The following OTULINL variants were observed in gnomAD, a reference collection of about 807,000 sequenced individuals.
OTULINL encodes OTU deubiquitinase with linear linkage specificity like.
OTULINL carries 42 observed loss-of-function variants against 43.9 expected under a neutral mutation model. That is an observed-to-expected ratio of 0.96 (90% confidence interval 0.75 to 1.24). OTULINL has a LOEUF of 1.24. OTULINL is among the 50% of genes most tolerant of loss of function. The pLI is 0.00. For synonymous variants in OTULINL, 172 were observed against 153.6 expected (o/e 1.12, Z -0.88); for missense variants, 411 against 426.4 (o/e 0.96, Z 0.32).
At chr5:14,604,836 C>T (rs1030600205) in intron 5 of OTULINL, among the ~76,000 whole-genome samples, 1 of 152,250 alleles carries the variant, frequency 6.6e-6, no homozygotes, top group Non-Finnish European at 1.5e-5. Flanking sequence ...GGCAGCTCCG[C>T]CCCTGTGGCT....
intron 1 of OTULINL, among the ~76,000 whole-genome samples, chr5:14,583,738 C>G (rs1441797663): frequency 6.6e-6 from 1 of 152,136 alleles, no homozygotes; most frequent in Non-Finnish European, 1.5e-5. Context: ...GCATAGTTTC[C>G]CTTCTTTGCC....
intron 1 of OTULINL, among the ~76,000 whole-genome samples, chr5:14,591,612 G>A (rs142393546): frequency 8.5e-4 from 129 of 152,312 alleles, no homozygotes; most frequent in African/African-American, 2.9e-3. Flanking sequence ...CCTCTCCACC[G>A]GGAAACTTGA....
At chr5:14,605,833 A>G (rs962019828) in intron 5 of OTULINL, among the ~76,000 whole-genome samples, 2 of 152,164 alleles carry the variant, frequency 1.3e-5, no homozygotes, top group Non-Finnish European at 2.9e-5. Flanking sequence ...CTCAGCCTGG[A>G]TTTCATTATC....
chr5:14,587,944 A>G (rs1234132587), intron 1 of OTULINL, among the ~76,000 whole-genome samples: 2 of 152,004 alleles, frequency 1.3e-5, no homozygotes, highest in Non-Finnish European at 2.9e-5. Flanking sequence ...CTCCCCATTT[A>G]GCAGCCTTTT....
intron 1 of OTULINL, among the ~76,000 whole-genome samples, chr5:14,594,677 C>G (rs1430675949): frequency 1.3e-5 from 2 of 152,234 alleles, no homozygotes; most frequent in Non-Finnish European, 2.9e-5. Flanking sequence ...CCGTCCCTGT[C>G]TGCCTGTTCC....
rs1421318047 is a variant in OTULINL, at chr5:14,609,151, C to T, written c.897+134C>T. 1.8e-5 allele frequency: 16 copies of T among 884,934 alleles called. No homozygotes were observed. The Admixed American group carries it at 3.1e-4, about 17-fold the overall frequency. 54.8% of individuals were successfully genotyped at this position (884,934 alleles called of 1,614,324 possible). A position where few individuals can be genotyped will look rare whatever the true frequency, so the allele number is the denominator to read the frequency against. On this transcript the variant is annotated intron_variant, in intron 7 of 7. Transcript: ENST00000274217. Reference sequence around the variant, plus strand: ...GAGGTGGTTGATTGATATTATCGCCCCTCAAATGAGGAAAAGAAGACTAAT... The same window carrying T: ...GAGGTGGTTGATTGATATTATCGCCTCTCAAATGAGGAAAAGAAGACTAAT...
In OTULINL at chr5:14,612,944, C is replaced by T. The variant is rs78506765; in HGVS notation, c.*2630C>T. Among the ~76,000 whole-genome samples, 151 of 151,372 alleles carry T rather than the reference C, an allele frequency of 1.0e-3. 1 individual carries two copies. The highest frequency in any genetic ancestry group is 3.5e-3 in the East Asian group (18 of 5,152). On this transcript the variant is annotated 3_prime_UTR_variant, in exon 8 of 8. Transcript: ENST00000274217. ...ATTTTAACAATTTTTTTTTTTGAGA[C>T]GGAGTTTCACTCTTTTTGCTCAGGC...
intron 1 of OTULINL, 34 bp from the exon 2 acceptor site, chr5:14,600,931 G>GCT (rs747327748): frequency 9.1e-7 from 1 of 1,103,984 alleles, no homozygotes; most frequent in East Asian, 2.8e-5. Flanking sequence ...ATTGTGATGT[G>GCT]CTTTTTTTTT....
At chr5:14,601,479 T>G in intron 4 of OTULINL, 37 bp downstream of exon 4, 1 of 1,548,526 alleles carries the variant, frequency 6.5e-7, no homozygotes, top group Non-Finnish European at 8.9e-7. Flanking sequence ...AGAAATAGAG[T>G]TTGTCTGTCA....
Position 14,614,899 on chromosome 5 carries a change from G to T in OTULINL, c.*4585G>T, listed in dbSNP as rs1759645677. ...GTACCATCAGGTCTTAGATTGTTAAGTCATTTTGCTGCCACCAGACCAGTG... is the reference window on the plus strand; with the variant it reads ...GTACCATCAGGTCTTAGATTGTTAATTCATTTTGCTGCCACCAGACCAGTG... On this transcript the variant is annotated 3_prime_UTR_variant, in exon 8 of 8. Coordinates refer to ENST00000274217, the MANE Select transcript of OTULINL (RefSeq NM_019018.3). 2 of 397,014 alleles carry T rather than the reference G, an allele frequency of 5.0e-6. No individual in the cohort carries two copies. The highest frequency in any genetic ancestry group is 8.9e-6 in the Non-Finnish European group (2 of 225,678). The allele number at this position is 397,014 out of a possible 1,614,324, so 24.6% of individuals were successfully genotyped here.
chr5:14,594,789 C>T (rs1447695772), intron 1 of OTULINL, among the ~76,000 whole-genome samples: 2 of 152,070 alleles, frequency 1.3e-5, no homozygotes, highest in Non-Finnish European at 2.9e-5. Flanking sequence ...TTCCATGGCA[C>T]AGCTCAGAAA....
intron 7 of OTULINL, among the ~76,000 whole-genome samples, chr5:14,609,502 G>T (rs1469346785): frequency 6.6e-6 from 1 of 152,098 alleles, no homozygotes; most frequent in Non-Finnish European, 1.5e-5. Flanking sequence ...TAAACAAATG[G>T]ATATAAAATG....
At position 14,607,551 on chromosome 5, in the gene OTULINL, T is replaced by C. The variant is rs1358500953; in HGVS notation, c.627+93T>C. The C allele has an allele frequency of 2.7e-6, 4 of 1,493,004 alleles. No individual in the cohort carries two copies. The East Asian group carries it at 6.9e-5, about 26-fold the overall frequency. 92.5% of individuals were successfully genotyped at this position (1,493,004 alleles called of 1,614,324 possible). A position where few individuals can be genotyped will look rare whatever the true frequency, so the allele number is the denominator to read the frequency against. ...CTCTGATGTCAGGGACATTGCTTCA[T>C]GTTAGGAAAGTAAGAAGTGCAAGCA... is the stretch of plus-strand genomic sequence containing the variant. On this transcript the variant is annotated intron_variant, in intron 6 of 7. Transcript: ENST00000274217.
chr5:14,595,640 CTTTTTTTTTTTTTTTT>C (rs61482298), intron 1 of OTULINL, among the ~76,000 whole-genome samples: 2 of 57,110 alleles, frequency 3.5e-5, no homozygotes, highest in South Asian at 9.1e-4. Context: ...AAAAACGGTG[CTTTTTTTTTTTTTTTT>C]TTTTTTTTTT....
intron 1 of OTULINL, among the ~76,000 whole-genome samples, chr5:14,584,654 A>G (rs1046153262): frequency 6.6e-6 from 1 of 152,204 alleles, no homozygotes. Context: ...CACTACTATT[A>G]TTAATATTAC....
rs1759646953 is a variant in OTULINL at position 14,614,995 on chromosome 5, C to T, written c.*4681C>T. 2.7e-6 allele frequency: 1 copy of T among 374,470 alleles called. No individual in the cohort carries two copies. Among genetic ancestry groups the T allele is most frequent in the East Asian group, 3.9e-5 (1 of 25,888 alleles). The allele number at this position is 374,470 out of a possible 1,614,324, so 23.2% of individuals were successfully genotyped here. A position where few individuals can be genotyped will look rare whatever the true frequency, so the allele number is the denominator to read the frequency against. Reference sequence around the variant, plus strand: ...GAGAATATCCTTGAATAAAGAAGTACATGTTTTAAGTATTTTCATCGTAGT... The same window carrying T: ...GAGAATATCCTTGAATAAAGAAGTATATGTTTTAAGTATTTTCATCGTAGT... On this transcript the variant is annotated 3_prime_UTR_variant, in exon 8 of 8. Coordinates refer to ENST00000274217, the MANE Select transcript of OTULINL (RefSeq NM_019018.3).
intron 1 of OTULINL, among the ~76,000 whole-genome samples, chr5:14,587,882 G>A (rs1360099391): frequency 6.6e-6 from 1 of 151,988 alleles, no homozygotes; most frequent in Non-Finnish European, 1.5e-5. Context: ...TTTGAATTTT[G>A]GAGCCTATTA....
intron 1 of OTULINL, among the ~76,000 whole-genome samples, chr5:14,592,451 C>A (rs1759220777): frequency 6.6e-6 from 1 of 152,204 alleles, no homozygotes; most frequent in Non-Finnish European, 1.5e-5. Context: ...CAGACTTCTA[C>A]TTCTTTTCTG....
At chr5:14,604,114 T>C (rs75994854) in intron 5 of OTULINL, among the ~76,000 whole-genome samples, 1,634 of 152,260 alleles carry the variant, frequency 0.011, 26 homozygotes, top group African/African-American at 0.037. Flanking sequence ...GGAGTATCTC[T>C]GGAGGCCAGT....
Sources: allele counts gnomAD v4.1 joint callset (sites outside exome capture counted in the v4.1 genomes callset), GRCh38; gene constraint gnomAD v4.1.1; transcripts MANE v1.5; gene names NCBI Gene and HGNC (gene_info 2026-07-23, HGNC 2026-07-21).